Variants in NCOR2 observed in about 807,000 individuals in gnomAD.
The protein encoded by NCOR2 is nuclear receptor corepressor 2.
In NCOR2, 81 loss-of-function variants were observed where a neutral mutation model predicts 262.9. The ratio of observed to expected loss-of-function variants is 0.31; its 90% CI spans 0.26 to 0.37. The LOEUF is 0.37. Ranked by LOEUF, NCOR2 falls within the 10% of genes least tolerant of loss-of-function variation. The pLI is 1.00. For synonymous variants in NCOR2, 1,659 were observed against 1,559.3 expected (o/e 1.06, Z -1.51); for missense variants, 3,385 against 3,621.4 (o/e 0.93, Z 1.68).
At chr12:124,404,402 C>T (rs749472755) in intron 13 of NCOR2, among the ~76,000 whole-genome samples, 3 of 152,198 alleles carry the variant, frequency 2.0e-5, no homozygotes, top group Non-Finnish European at 4.4e-5. Flanking sequence ...CAAGAAGTCC[C>T]CACCTGGGCT....
chr12:124,488,992 T>C (rs1272249505), intron 1 of NCOR2, among the ~76,000 whole-genome samples: 1 of 151,842 alleles, frequency 6.6e-6, no homozygotes, highest in East Asian at 1.9e-4. Flanking sequence ...ATTTTGTTAC[T>C]GGACCCTAAA....
intron 28 of NCOR2, chr12:124,348,625 A>C (rs1349043907): frequency 2.3e-6 from 1 of 429,252 alleles, no homozygotes; most frequent in Non-Finnish European, 4.2e-6. Flanking sequence ...CCACATGAGC[A>C]CGTGAGTCTG....
intron 16 of NCOR2, among the ~76,000 whole-genome samples, chr12:124,393,091 G>A (rs1039662564): frequency 5.9e-5 from 9 of 152,240 alleles, no homozygotes; most frequent in Admixed American, 4.6e-4. Context: ...TTCTCTGCCC[G>A]CCAGAGAAGA....
chr12:124,354,366 C>T lies in NCOR2; in HGVS notation c.3589+112G>A. ...TGAGGGAGACAGCTGTGAAGAGGGG[C>T]CCCCAGACCCTCTGGGAGATGACAC... On this transcript the variant is annotated intron_variant, in intron 26 of 46. Transcript: ENST00000405201. 8.2e-6 allele frequency: 10 copies of T among 1,215,256 alleles called. No individual in the cohort carries two copies. In the South Asian group the frequency reaches 1.3e-4, roughly 16 times the overall value. 75.3% of individuals were successfully genotyped at this position (1,215,256 alleles called of 1,614,324 possible).
intron 44 of NCOR2, among the ~76,000 whole-genome samples, chr12:124,328,151 TGAGA>T (rs1351552744): frequency 4.6e-5 from 7 of 151,396 alleles, no homozygotes; most frequent in Non-Finnish European, 8.8e-5. Flanking sequence ...GGGAAGGGAC[TGAGA>T]GAGAGAAGGT....
Position 124,482,542 on chromosome 12 carries a change from T to C in NCOR2, c.411+1054A>G, listed in dbSNP as rs1312685885. Among the ~76,000 whole-genome samples the C allele has an allele frequency of 6.6e-6, 1 of 152,102 alleles. No homozygotes were observed. Among genetic ancestry groups the C allele is most frequent in the Non-Finnish European group, 1.5e-5 (1 of 68,020 alleles). On this transcript the variant is annotated intron_variant, in intron 3 of 46. Transcript: ENST00000405201. The surrounding 1 kb of genome is among the most constrained non-coding windows in gnomAD (Gnocchi z 6.3). ...ACGCATGGGGCCCACAGCCGAGCCC[T>C]CTACCCACATGACCAGGTGACACCC...
intron 17 of NCOR2, among the ~76,000 whole-genome samples, chr12:124,383,052 G>GAATC (rs199733047): frequency 0.013 from 2,018 of 152,250 alleles, 19 homozygotes; most frequent in Non-Finnish European, 0.02. Flanking sequence ...ATGAATGAAT[G>GAATC]AATCAATCAA....
exon 34 of NCOR2, chr12:124,341,912 G>A: frequency 6.2e-7 from 1 of 1,612,940 alleles, no homozygotes; most frequent in Non-Finnish European, 8.5e-7. Context: ...CATGGCGGTG[G>A]CCGCGTTGTG....
chr12:124,554,450 T>G (rs2049684988), intron 1 of NCOR2, among the ~76,000 whole-genome samples: 1 of 151,952 alleles, frequency 6.6e-6, no homozygotes, highest in South Asian at 2.1e-4. Flanking sequence ...CCAGGTTCCC[T>G]CGGTGCCCCC....
chr12:124,386,066 G>T (rs1354073410), intron 16 of NCOR2, among the ~76,000 whole-genome samples, 179 bp from the exon 19 acceptor site: 1 of 152,196 alleles, frequency 6.6e-6, no homozygotes, highest in Non-Finnish European at 1.5e-5. Flanking sequence ...TAGCGGGGAA[G>T]GTACTAGAGG....
At chr12:124,360,510 G>A (rs1207393632) in intron 22 of NCOR2, among the ~76,000 whole-genome samples, 1 of 152,178 alleles carries the variant, frequency 6.6e-6, no homozygotes, top group South Asian at 2.1e-4. Context: ...ATACAAATCA[G>A]ATAACAAGCA....
rs191795666 is a variant in NCOR2 at position 124,510,968 on chromosome 12, C to T, written c.-117-15600G>A. Among the ~76,000 whole-genome samples, 7 of 152,348 alleles carry T rather than the reference C, an allele frequency of 4.6e-5. No individual in the cohort carries two copies. In the East Asian group the frequency reaches 7.7e-4, roughly 17 times the overall value. ...TGCATTTCCTCTCCCCCCACAGCCC[C>T]AAACACAAGATCCATGAAGCAAGAG... is the stretch of plus-strand genomic sequence containing the variant. On this transcript the variant is annotated intron_variant, in intron 1 of 46. Coordinates refer to the NCOR2 transcript ENST00000404621.
rs746563211 is a variant in NCOR2 at position 124,463,312 on chromosome 12, G to A, written c.705+2861C>T. ...CTGTGCCATGCCCCCTCACCCTAAC[G>A]CCCTCCTTCCGGCCCACCCGCTGCC... On this transcript the variant is annotated intron_variant, in intron 5 of 46. Coordinates refer to ENST00000405201, the Ensembl canonical transcript of NCOR2. Among the ~76,000 whole-genome samples the A allele has an allele frequency of 6.5e-4, 99 of 152,100 alleles. 2 individuals carry two copies. The highest frequency in any genetic ancestry group is 6.5e-4 in the Admixed American group (10 of 15,274).
chr12:124,358,569 T>A (rs2038208081), intron 22 of NCOR2, among the ~76,000 whole-genome samples: 1 of 152,094 alleles, frequency 6.6e-6, no homozygotes, highest in Non-Finnish European at 1.5e-5. Flanking sequence ...GAGCCTCCGG[T>A]TAAGCTCACA....
intron 41 of NCOR2, 196 bp downstream of exon 43, chr12:124,334,228 T>A (rs1400798934): frequency 2.0e-6 from 1 of 510,332 alleles, no homozygotes; most frequent in Non-Finnish European, 3.4e-6. Context: ...GAGCACAGCA[T>A]GTACTTTCAT....
intron 31 of NCOR2, 47 bp from the exon 34 acceptor site, chr12:124,344,998 C>G: frequency 6.9e-7 from 1 of 1,442,052 alleles, no homozygotes. Flanking sequence ...CAGCCATAGC[C>G]CAGACCAGCT....
intron 1 of NCOR2, among the ~76,000 whole-genome samples, chr12:124,528,267 T>C (rs931579070): frequency 6.6e-6 from 1 of 152,196 alleles, no homozygotes; most frequent in Non-Finnish European, 1.5e-5. Flanking sequence ...ACAAGTACAA[T>C]GACCGGGCAG....
At chr12:124,442,028 A>C (rs549802010) in intron 7 of NCOR2, among the ~76,000 whole-genome samples, 2 of 152,378 alleles carry the variant, frequency 1.3e-5, no homozygotes, top group African/African-American at 4.8e-5. Context: ...CCTGAATCAG[A>C]TCCTGGACCA....
rs949572050 is a variant in NCOR2, at chr12:124,389,679, G to A, written c.1877-3792C>T. ...ACTGTGGGTGGGCAGGGCTAGCCTC[G>A]CATTCCGGAGGGATCCCGGGATTTG... On this transcript the variant is annotated intron_variant, in intron 16 of 46. Coordinates refer to ENST00000405201, the Ensembl canonical transcript of NCOR2. This position sits in a 1 kb window ranked among gnomAD's most constrained non-coding sequence, Gnocchi z 4.4. Among the ~76,000 whole-genome samples, 3 of 152,128 alleles carry A rather than the reference G, an allele frequency of 2.0e-5. No homozygotes were observed. Among genetic ancestry groups the A allele is most frequent in the African/African-American group, 4.8e-5 (2 of 41,408 alleles).
Sources: gnomAD v4.1 joint callset for allele counts (sites outside exome capture counted in the v4.1 genomes callset) on GRCh38, gnomAD v4.1.1 for gene constraint, Gnocchi (gnomAD v3.1) non-coding constraint, MANE v1.5 for transcripts, NCBI Gene and HGNC (gene_info 2026-07-23, HGNC 2026-07-21) for gene names.